Variants in TRAPPC11 observed in about 807,000 individuals in gnomAD.
TRAPPC11 encodes the protein foie gras homolog.
A neutral mutation model predicts 151.2 loss-of-function variants in TRAPPC11; 104 were observed. The observed-to-expected ratio is 0.69, with a 90% confidence interval of 0.59 to 0.81. The LOEUF is 0.81. Among genes scored for constraint, TRAPPC11 ranks in the 30% least tolerant of loss-of-function variants. The pLI is 0.00. For synonymous variants in TRAPPC11, 456 were observed against 472.3 expected, an observed-to-expected ratio of 0.97 and a Z score of 0.45; for missense variants, 1,230 against 1,349.6, an observed-to-expected ratio of 0.91 and a Z score of 1.39.
chr4:183,712,752 AT>A lies in TRAPPC11; in HGVS notation c.*114del. On this transcript the variant is annotated 3_prime_UTR_variant, in exon 30 of 30. Coordinates refer to ENST00000334690, the MANE Select transcript of TRAPPC11 (RefSeq NM_021942.6). ...TCATGGTAAAAAGTTAACCTTTTCT[AT>A]TTTTTAATGGATGTTATACCAACTA... 1 of 1,098,932 alleles carries A rather than the reference AT, an allele frequency of 9.1e-7. No homozygotes were observed. The highest frequency in any genetic ancestry group is 1.4e-6 in the Non-Finnish European group (1 of 727,822). The allele number at this position is 1,098,932 out of a possible 1,614,324, so 68.1% of individuals were successfully genotyped here.
rs531748969 is a variant in TRAPPC11, at chr4:183,697,547, G to A, written c.2673G>A (p.Ala891=). ...TIETVFPFDV[A]VKFVSTKFEH... is the part of the protein sequence containing the mutation. ...AAACAGTCTTTCCATTTGATGTTGC[G>A]GTTAAATTTGTTTCTACCAAGGTAT... Residue 891 remains alanine (A), a synonymous_variant, in exon 24 of 30, where the codon GCG becomes GCA. Transcript: ENST00000334690. 33 of 1,603,408 alleles carry A rather than the reference G, an allele frequency of 2.1e-5. No homozygotes were observed. The East Asian group carries it at 2.2e-4, about 11-fold the overall frequency.
At chr4:183,660,015 A>G (rs1734389291) in intron 1 of TRAPPC11, among the ~76,000 whole-genome samples, 2 of 152,158 alleles carry the variant, frequency 1.3e-5, no homozygotes, top group African/African-American at 2.4e-5. Context: ...TTGATCTCCC[A>G]TCCATTATTC....
chr4:183,668,191 TA>T, intron 5 of TRAPPC11, 74 bp downstream of exon 5: 1 of 801,882 alleles, frequency 1.2e-6, no homozygotes, highest in Non-Finnish European at 2.0e-6. Flanking sequence ...TAGACCCATT[TA>T]TTTTTTTAAA....
At chr4:183,683,697 G>A (rs1013654241) in intron 11 of TRAPPC11, among the ~76,000 whole-genome samples, 3 of 152,148 alleles carry the variant, frequency 2.0e-5, no homozygotes, top group African/African-American at 7.2e-5. Flanking sequence ...TCTCCAGCAA[G>A]TGTATCCTCT....
At position 183,664,098 on chromosome 4, in the gene TRAPPC11, C is replaced by G. The variant is rs188666115; in HGVS notation, c.204+27C>G. On this transcript the variant is annotated intron_variant, in intron 2 of 29. Transcript: ENST00000334690. ...TAATGGCATTGTGATGGCATGTGTT[C>G]TTTCCTTCTCTCTCTCTATGTGTGT... The G allele has an allele frequency of 7.5e-5, 118 of 1,563,984 alleles. 1 individual carries two copies. In the East Asian group the frequency reaches 1.8e-3, roughly 23 times the overall value.
chr4:183,671,139 TAC>T (rs1735135849), intron 5 of TRAPPC11, among the ~76,000 whole-genome samples: 1 of 152,208 alleles, frequency 6.6e-6, no homozygotes, highest in African/African-American at 2.4e-5. Flanking sequence ...GTGCTGGGAT[TAC>T]ATTCATGAGC....
At position 183,661,757 on chromosome 4, in the gene TRAPPC11, C is replaced by CTTTTTT. The variant is rs562308106; in HGVS notation, c.-21-2073_-21-2068dup. Among the ~76,000 whole-genome samples, 134 of 100,132 alleles carry CTTTTTT rather than the reference C, an allele frequency of 1.3e-3. 1 individual carries two copies. Among genetic ancestry groups the CTTTTTT allele is most frequent in the African/African-American group, 3.8e-3 (97 of 25,204 alleles). The allele number at this position is 100,132 out of a possible 152,430, so 65.7% of individuals were successfully genotyped here. A position where few individuals can be genotyped will look rare whatever the true frequency, so the allele number is the denominator to read the frequency against. On this transcript the variant is annotated intron_variant, in intron 1 of 29. Transcript: ENST00000334690. ...GTAGTGATAATTTTGTTTGGAATAA[C>CTTTTTT]TTTTTTTTTTTTTTTTTTTTTTGTG...
At chr4:183,662,483 T>A (rs1393939254) in intron 1 of TRAPPC11, among the ~76,000 whole-genome samples, 4 of 152,140 alleles carry the variant, frequency 2.6e-5, no homozygotes, top group Admixed American at 6.5e-5. Flanking sequence ...GGGCATACGT[T>A]AGATTTATTA....
chr4:183,701,466 T>G (rs929094378), intron 25 of TRAPPC11: 3 of 441,680 alleles, frequency 6.8e-6, no homozygotes, highest in African/African-American at 3.9e-5. Context: ...CTTGCAGATA[T>G]ACAGATGCCT....
At chr4:183,699,198 T>C (rs1736685031) in intron 25 of TRAPPC11, among the ~76,000 whole-genome samples, 1 of 152,180 alleles carries the variant, frequency 6.6e-6, no homozygotes, top group Non-Finnish European at 1.5e-5. Context: ...CATCCAACAT[T>C]GCCCCCAGCT....
Position 183,712,792 on chromosome 4 carries a change from A to G in TRAPPC11, c.*148A>G, listed in dbSNP as rs1056959915. ...TTATACCAACTATTCAGAGGAACTC[A>G]TACTTCAAAAATATTAGGAAAATCT... is the stretch of plus-strand genomic sequence containing the variant. On this transcript the variant is annotated 3_prime_UTR_variant, in exon 30 of 30. Coordinates refer to ENST00000334690, the MANE Select transcript of TRAPPC11 (RefSeq NM_021942.6). 8 of 612,220 alleles carry G rather than the reference A, an allele frequency of 1.3e-5. 1 individual carries two copies. Among genetic ancestry groups the G allele is most frequent in the Admixed American group, 3.4e-5 (1 of 29,840 alleles). 37.9% of individuals were successfully genotyped at this position (612,220 alleles called of 1,614,324 possible). A position where few individuals can be genotyped will look rare whatever the true frequency, so the allele number is the denominator to read the frequency against.
chr4:183,708,461 C>A lies in TRAPPC11; in HGVS notation c.3244C>A (p.Pro1082Thr). 6.2e-7 allele frequency: 1 copy of A among 1,614,098 alleles called. No individual in the cohort carries two copies. Among genetic ancestry groups the A allele is most frequent in the Non-Finnish European group, 8.5e-7 (1 of 1,180,006 alleles). ...TEQEMLYNFY[P>T]LMAGYQQLPS... ...GCAGGAAATGCTATATAATTTCTAT[C>A]CTCTGATGGCTGGATACCAGCAGCT... The change falls in exon 29 of 30, where the codon CCT becomes ACT. Residue 1082 changes from proline to threonine, a missense_variant. Coordinates refer to ENST00000334690, the MANE Select transcript of TRAPPC11 (RefSeq NM_021942.6).
At chr4:183,677,940 CTTTTTT>C (rs199638936) in intron 8 of TRAPPC11, among the ~76,000 whole-genome samples, 1 of 140,378 alleles carries the variant, frequency 7.1e-6, no homozygotes. Flanking sequence ...TTAGAGGAAA[CTTTTTT>C]TTTTTTTTTT....
intron 17 of TRAPPC11, among the ~76,000 whole-genome samples, 194 bp from the exon 18 acceptor site, chr4:183,686,424 A>G (rs1735969227): frequency 6.6e-6 from 1 of 152,248 alleles, no homozygotes; most frequent in Non-Finnish European, 1.5e-5. Context: ...GGCGTGAGCC[A>G]CTGTGCTCAG....
intron 29 of TRAPPC11, among the ~76,000 whole-genome samples, chr4:183,711,307 C>CA (rs762749785): frequency 4.6e-4 from 70 of 152,290 alleles, no homozygotes; most frequent in Non-Finnish European, 7.8e-4. Context: ...GTTACACTGC[C>CA]ACATTTCAAG....
At chr4:183,663,613 C>G (rs1254196068) in intron 1 of TRAPPC11, among the ~76,000 whole-genome samples, 1 of 152,142 alleles carries the variant, frequency 6.6e-6, no homozygotes, top group Non-Finnish European at 1.5e-5. Context: ...CAGTGATCCA[C>G]CTGCTTCGGC....
chr4:183,684,237 A>G lies in TRAPPC11; in HGVS notation c.1366+14A>G, dbSNP rs1735849493. The G allele has an allele frequency of 6.2e-6, 10 of 1,613,628 alleles. No homozygotes were observed. The highest frequency in any genetic ancestry group is 8.5e-6 in the Non-Finnish European group (10 of 1,179,592). On this transcript the variant is annotated intron_variant, in intron 13 of 29. Coordinates refer to ENST00000334690, the MANE Select transcript of TRAPPC11 (RefSeq NM_021942.6). ...AAAGTCACCTAAGTATGTATCCACA[A>G]ACGTCACCATTGCATGCAACTTTGA...
intron 5 of TRAPPC11, among the ~76,000 whole-genome samples, chr4:183,671,516 C>T (rs1735156926): frequency 6.6e-6 from 1 of 152,196 alleles, no homozygotes; most frequent in Non-Finnish European, 1.5e-5. Context: ...GCCTTTAGCA[C>T]AGGATCTACC....
chr4:183,693,959 A>G lies in TRAPPC11; in HGVS notation c.2429A>G (p.His810Arg), dbSNP rs1561053683. ...ACTCAGAAGACTCACGTGACTCTTCATGGAACAGAACTGTGTGATGAATCC... is the reference window on the plus strand; with the variant it reads ...ACTCAGAAGACTCACGTGACTCTTCGTGGAACAGAACTGTGTGATGAATCC... The part of the protein sequence containing the change: ...NLTQKTHVTL[H>R]GTELCDESYP... The change falls in exon 22 of 30, where the codon CAT becomes CGT. Residue 810 changes from histidine (H) to arginine (R), a missense_variant. Physicochemically the swap from His to Arg is conservative, Grantham distance 29 (BLOSUM62 0). Coordinates refer to ENST00000334690, the MANE Select transcript of TRAPPC11 (RefSeq NM_021942.6). 2.5e-6 allele frequency: 4 copies of G among 1,613,930 alleles called. No homozygotes were observed. The South Asian group carries it at 3.3e-5, about 13-fold the overall frequency.
Sources: gnomAD v4.1 joint callset for allele counts (sites outside exome capture counted in the v4.1 genomes callset) on GRCh38, gnomAD v4.1.1 for gene constraint, MANE v1.5 for transcripts, NCBI Gene and HGNC (gene_info 2026-07-23, HGNC 2026-07-21) for gene names.